SELENOI: variants seen among roughly 807,000 people sequenced by gnomAD.
SELENOI encodes selenoprotein I.
SELENOI carries 24 observed loss-of-function variants against 50.7 expected under a neutral mutation model. The ratio of observed to expected loss-of-function variants is 0.47; its 90% CI spans 0.34 to 0.67. The LOEUF (loss-of-function observed/expected upper bound fraction) is 0.67. Ranked by LOEUF, SELENOI falls within the 30% of genes least tolerant of loss-of-function variation. The pLI, the probability that SELENOI is intolerant of heterozygous loss-of-function variation, is 0.01. For missense variants in SELENOI, 352 were observed against 461.4 expected, an observed-to-expected ratio of 0.76 and a Z score of 2.17; for synonymous variants, 155 against 170.2, an observed-to-expected ratio of 0.91 and a Z score of 0.70.
intron 1 of SELENOI, among the ~76,000 whole-genome samples, chr2:26,363,408 G>T (rs193217464): frequency 6.6e-6 from 1 of 152,306 alleles, no homozygotes; most frequent in East Asian, 1.9e-4. Context: ...GGATGAAGGA[G>T]GTTGAGAAGG....
chr2:26,387,805 G>A (rs1677879145), intron 9 of SELENOI, among the ~76,000 whole-genome samples: 1 of 152,100 alleles, frequency 6.6e-6, no homozygotes, highest in Non-Finnish European at 1.5e-5. Context: ...ATAGGAATGG[G>A]GTTGTGACAG....
At chr2:26,364,797 AC>A in intron 2 of SELENOI, 34 bp from the exon 3 acceptor site, 1 of 1,456,940 alleles carries the variant, frequency 6.9e-7, no homozygotes, top group Non-Finnish European at 9.5e-7. Flanking sequence ...AGATTCCTCT[AC>A]TTTAATTATT....
Position 26,386,460 on chromosome 2 carries a change from CT to C in SELENOI, c.1021del (p.Tyr341ThrfsTer10). The C allele has an allele frequency of 6.2e-7, 1 of 1,613,890 alleles. No homozygotes were observed. The highest frequency in any genetic ancestry group is 8.5e-7 in the Non-Finnish European group (1 of 1,179,866). On this transcript the variant is annotated frameshift_variant, in exon 9 of 10. Transcript: ENST00000260585. LOFTEE classifies it high-confidence loss of function. Reference protein sequence around the residue: ...VVLVVNLGVASYVESILLYTL... With the variant: ...VVLVVNLGVAXYVESILLYTL... ...TTAGTGGTAAACCTAGGAGTAGCCT[CT>C]TACGTTGAGAGCATTCTCCTGTATA...
chr2:26,359,937 G>A (rs1473625735), intron 1 of SELENOI, among the ~76,000 whole-genome samples: 4 of 152,094 alleles, frequency 2.6e-5, no homozygotes, highest in African/African-American at 9.7e-5. Context: ...TTCATGGAAC[G>A]AGTCTATCAA....
chr2:26,380,623 A>G (rs1677670721), intron 6 of SELENOI, among the ~76,000 whole-genome samples: 1 of 152,170 alleles, frequency 6.6e-6, no homozygotes, highest in Non-Finnish European at 1.5e-5. Flanking sequence ...ATTTTTTGCC[A>G]GGGTGTTGAG....
chr2:26,391,950 A>T lies in SELENOI; in HGVS notation c.*2847A>T, dbSNP rs1266113890. The stretch of plus-strand genomic sequence containing the variant: ...GTTTATGGGTCTTAGTCTTAAGGGT[A>T]ACAGAGTGAATACCTTCCAAATAAA... On this transcript the variant is annotated 3_prime_UTR_variant, in exon 10 of 10. Coordinates refer to ENST00000260585, the MANE Select transcript of SELENOI (RefSeq NM_033505.4). The T allele has an allele frequency of 6.6e-6, 1 of 152,232 alleles. No individual in the cohort carries two copies. Among genetic ancestry groups the T allele is most frequent in the Non-Finnish European group, 1.5e-5 (1 of 68,036 alleles). The allele number at this position is 152,232 out of a possible 1,614,324, so 9.4% of individuals were successfully genotyped here.
intron 4 of SELENOI, among the ~76,000 whole-genome samples, chr2:26,372,462 C>T (rs1017389702): frequency 2.0e-5 from 3 of 152,098 alleles, no homozygotes; most frequent in Non-Finnish European, 4.4e-5. Context: ...TTCTAAGATT[C>T]TTCCAATCCT....
rs533745650 is a variant in SELENOI, at chr2:26,380,591, T to A, written c.683-2708T>A. Among the ~76,000 whole-genome samples the A allele has an allele frequency of 4.6e-5, 7 of 152,318 alleles. No homozygotes were observed. The South Asian group carries it at 1.0e-3, about 23-fold the overall frequency. ...TTGTACAAATTGCTGCAGTGAATAG[T>A]CTTGTACATCAGTCTTTTCATATTT... On this transcript the variant is annotated intron_variant, in intron 6 of 9. Transcript: ENST00000260585.
chr2:26,375,475 T>A (rs1333358268), intron 6 of SELENOI, among the ~76,000 whole-genome samples: 1 of 152,220 alleles, frequency 6.6e-6, no homozygotes, highest in East Asian at 1.9e-4. Flanking sequence ...ATCTCAAAGT[T>A]GAAAATTACT....
chr2:26,367,270 A>C (rs781358615), intron 4 of SELENOI, 50 bp downstream of exon 4: 2 of 1,403,300 alleles, frequency 1.4e-6, no homozygotes, highest in Non-Finnish European at 9.9e-7. Context: ...TGAATCAGCA[A>C]GGATAGCCAC....
chr2:26,388,919 G>T (rs1478255567), intron 9 of SELENOI, 86 bp from the exon 10 acceptor site: 26 of 1,031,106 alleles, frequency 2.5e-5, no homozygotes, highest in Non-Finnish European at 3.6e-5. Context: ...TCAATAAATT[G>T]TTATCTCTAG....
intron 1 of SELENOI, among the ~76,000 whole-genome samples, chr2:26,351,576 T>A (rs1456244777): frequency 6.6e-6 from 1 of 152,156 alleles, no homozygotes; most frequent in Non-Finnish European, 1.5e-5. Context: ...GAGTGTAAAG[T>A]GATGAAGGCC....
rs1677966364 is a variant in SELENOI at position 26,391,460 on chromosome 2, A to C, written c.*2357A>C. On this transcript the variant is annotated 3_prime_UTR_variant, in exon 10 of 10. Transcript: ENST00000260585. Reference sequence around the variant, plus strand: ...AGCTGTGTGCATTTATGTCATGCCAATTACTATAACATTTCCAAAGTATGA... The same window carrying C: ...AGCTGTGTGCATTTATGTCATGCCACTTACTATAACATTTCCAAAGTATGA... 6.6e-6 allele frequency: 1 copy of C among 152,230 alleles called. No individual in the cohort carries two copies. The allele number at this position is 152,230 out of a possible 1,614,324, so 9.4% of individuals were successfully genotyped here.
In SELENOI at chr2:26,389,037, C is replaced by A; in HGVS notation, c.1128C>A (p.Tyr376Ter). The A allele has an allele frequency of 6.3e-7, 1 of 1,590,142 alleles. No individual in the cohort carries two copies. Among genetic ancestry groups the A allele is most frequent in the Non-Finnish European group, 8.6e-7 (1 of 1,166,996 alleles). Residue 376 changes from tyrosine (Y) to a stop codon, truncating the protein, a stop_gained, in exon 10 of 10, where the codon TAC becomes TAA. Coordinates refer to ENST00000260585, the MANE Select transcript of SELENOI (RefSeq NM_033505.4). LOFTEE classifies it high-confidence loss of function. ...VKQLSSHFQI[Y>*]PFSLRKPNSD... is the part of the protein sequence containing the mutation. ...AGCTGAGCAGCCATTTTCAGATTTA[C>A]CCCTTCTCATTGAGGAAACCAAACT... is the stretch of plus-strand genomic sequence containing the variant.
intron 4 of SELENOI, among the ~76,000 whole-genome samples, chr2:26,372,046 C>A (rs902129141): frequency 2.6e-5 from 4 of 152,242 alleles, no homozygotes; most frequent in East Asian, 1.9e-4. Context: ...TAAAGAGAAC[C>A]TTTCCCTTAT....
chr2:26,387,720 GAA>G (rs1677877537), intron 9 of SELENOI, among the ~76,000 whole-genome samples: 1 of 147,506 alleles, frequency 6.8e-6, no homozygotes, highest in South Asian at 2.1e-4. Context: ...AAAAGAAAAA[GAA>G]AGAAAAAAAA....
chr2:26,388,204 A>G (rs1047501594), intron 9 of SELENOI, among the ~76,000 whole-genome samples: 1 of 152,236 alleles, frequency 6.6e-6, no homozygotes, highest in East Asian at 1.9e-4. Flanking sequence ...TATGCATGGC[A>G]TAGAATATCC....
chr2:26,374,854 G>A (rs2147956685), intron 5 of SELENOI, among the ~76,000 whole-genome samples, 186 bp from the exon 6 acceptor site: 1 of 152,286 alleles, frequency 6.6e-6, no homozygotes, highest in Middle Eastern at 3.4e-3. Context: ...ACAGGCATGA[G>A]CCCCCACGTC....
chr2:26,374,899 C>T (rs542220031), intron 5 of SELENOI, 141 bp from the exon 6 acceptor site: 30 of 587,392 alleles, frequency 5.1e-5, no homozygotes, highest in African/African-American at 4.6e-4. Flanking sequence ...GGTAAGAAGA[C>T]TTGCCACATA....
Sources: gnomAD v4.1 joint callset for allele counts (sites outside exome capture counted in the v4.1 genomes callset) on GRCh38, gnomAD v4.1.1 for gene constraint, MANE v1.5 for transcripts, NCBI Gene and HGNC (gene_info 2026-07-23, HGNC 2026-07-21) for gene names.